Variants in SUGP1 observed in about 807,000 individuals in gnomAD.
The protein encoded by SUGP1 is SURP and G-patch domain-containing protein 1.
In SUGP1, 34 loss-of-function variants were observed where a neutral mutation model predicts 76.5. The observed-to-expected ratio is 0.44, with a 90% CI of 0.34 to 0.59. SUGP1 has a LOEUF of 0.59. SUGP1 is among the 20% of genes least tolerant of loss of function. The pLI, the probability that SUGP1 is intolerant of heterozygous loss-of-function variation, is 0.01. For missense variants in SUGP1, 752 were observed against 851.7 expected, an observed-to-expected ratio of 0.88 and a Z score of 1.46; for synonymous variants, 326 against 326.2, an observed-to-expected ratio of 1.00 and a Z score of 0.01.
intron 1 of SUGP1, 70 bp downstream of exon 1, chr19:19,320,393 C>G: frequency 1.3e-6 from 2 of 1,550,288 alleles, no homozygotes; most frequent in South Asian, 1.2e-5. Context: ...AGGACGGACC[C>G]GAGGAGTCAG....
intron 1 of SUGP1, 75 bp downstream of exon 1, chr19:19,320,388 G>A (rs2061434766): frequency 6.6e-7 from 1 of 1,506,168 alleles, no homozygotes; most frequent in Non-Finnish European, 9.0e-7. Flanking sequence ...GCAGCAGGAC[G>A]GACCCGAGGA....
chr19:19,280,407 C>G, intron 8 of SUGP1, 116 bp from the exon 9 acceptor site: 1 of 903,514 alleles, frequency 1.1e-6, no homozygotes, highest in South Asian at 1.4e-5. Context: ...ACACGGGGAC[C>G]TCATATCATT....
intron 8 of SUGP1, among the ~76,000 whole-genome samples, chr19:19,287,719 A>C (rs1322480611): frequency 1.3e-5 from 2 of 152,180 alleles, no homozygotes; most frequent in African/African-American, 2.4e-5. Context: ...AGAAAATGAC[A>C]ATCTGGTAGG....
At chr19:19,285,570 T>C (rs1218401936) in intron 8 of SUGP1, among the ~76,000 whole-genome samples, 1 of 152,162 alleles carries the variant, frequency 6.6e-6, no homozygotes, top group Admixed American at 6.5e-5. Context: ...CATTTATTTA[T>C]TTCTGTTTGC....
At position 19,276,521 on chromosome 19, in the gene SUGP1, G is replaced by A; in HGVS notation, c.*127C>T. The A allele has an allele frequency of 3.5e-6, 4 of 1,132,694 alleles. No individual in the cohort carries two copies. The highest frequency in any genetic ancestry group is 5.2e-6 in the Non-Finnish European group (4 of 768,304). The allele number at this position is 1,132,694 out of a possible 1,614,324, so 70.2% of individuals were successfully genotyped here. On this transcript the variant is annotated 3_prime_UTR_variant, in exon 14 of 14. Transcript: ENST00000247001. The stretch of plus-strand genomic sequence containing the variant: ...ACAGGACCAGGCATCTGTGGTGGAT[G>A]AGCACTGGGACTTTATTACACGGCA...
At chr19:19,313,773 C>A (rs1451404589) in intron 2 of SUGP1, among the ~76,000 whole-genome samples, 3 of 151,912 alleles carry the variant, frequency 2.0e-5, no homozygotes, top group Admixed American at 6.6e-5. Flanking sequence ...GAGGCAGAGG[C>A]GGGTAGGTCA....
chr19:19,286,756 A>T (rs2061143106), intron 8 of SUGP1, among the ~76,000 whole-genome samples: 1 of 152,148 alleles, frequency 6.6e-6, no homozygotes, highest in Admixed American at 6.5e-5. Flanking sequence ...TTAAAAAAAT[A>T]GGTCTGGCCA....
At chr19:19,306,764 G>A (rs1251585575) in intron 3 of SUGP1, among the ~76,000 whole-genome samples, 1 of 152,222 alleles carries the variant, frequency 6.6e-6, no homozygotes, top group Non-Finnish European at 1.5e-5. Flanking sequence ...AGGCATTGCT[G>A]CCCACTGGAG....
chr19:19,307,917 G>A (rs1414722893), intron 3 of SUGP1, among the ~76,000 whole-genome samples: 1 of 152,126 alleles, frequency 6.6e-6, no homozygotes, highest in Non-Finnish European at 1.5e-5. Flanking sequence ...CACCCGCCTC[G>A]GCCTCCCAAA....
intron 8 of SUGP1, among the ~76,000 whole-genome samples, chr19:19,287,810 T>C (rs573470123): frequency 6.6e-6 from 1 of 152,246 alleles, no homozygotes; most frequent in Admixed American, 6.5e-5. Flanking sequence ...TAAGTGTAAA[T>C]GGTAGAAGAA....
chr19:19,317,611 C>G (rs548710697), intron 1 of SUGP1, among the ~76,000 whole-genome samples: 3 of 151,980 alleles, frequency 2.0e-5, no homozygotes, highest in East Asian at 1.9e-4. Context: ...TCCGCCTCCC[C>G]GGCTCAAGCA....
chr19:19,308,413 G>A (rs1167217280), intron 3 of SUGP1, among the ~76,000 whole-genome samples: 1 of 152,248 alleles, frequency 6.6e-6, no homozygotes, highest in Non-Finnish European at 1.5e-5. Context: ...GGTAGAGAGA[G>A]GTGTCCCTCC....
Position 19,276,529 on chromosome 19 carries a change from G to C in SUGP1, c.*119C>G. On this transcript the variant is annotated 3_prime_UTR_variant, in exon 14 of 14. Coordinates refer to ENST00000247001, the MANE Select transcript of SUGP1 (RefSeq NM_172231.4). ...AGGCATCTGTGGTGGATGAGCACTG[G>C]GACTTTATTACACGGCACGGCACTC... The C allele has an allele frequency of 8.0e-7, 1 of 1,256,584 alleles. No homozygotes were observed. Among genetic ancestry groups the C allele is most frequent in the East Asian group, 2.3e-5 (1 of 42,604 alleles). The allele number at this position is 1,256,584 out of a possible 1,614,324, so 77.8% of individuals were successfully genotyped here. A position where few individuals can be genotyped will look rare whatever the true frequency, so the allele number is the denominator to read the frequency against.
At chr19:19,300,580 T>A (rs1364449815) in intron 7 of SUGP1, among the ~76,000 whole-genome samples, 2 of 152,184 alleles carry the variant, frequency 1.3e-5, no homozygotes, top group Admixed American at 6.5e-5. Flanking sequence ...TGACCCTGCA[T>A]GGAGATTAAA....
chr19:19,294,873 C>T (rs1423637998), intron 8 of SUGP1, among the ~76,000 whole-genome samples: 1 of 151,842 alleles, frequency 6.6e-6, no homozygotes, highest in African/African-American at 2.4e-5. Flanking sequence ...TCAAAAGACG[C>T]TATTACTAAA....
chr19:19,285,218 T>G (rs2061130656), intron 8 of SUGP1, among the ~76,000 whole-genome samples: 1 of 151,248 alleles, frequency 6.6e-6, no homozygotes. Context: ...CAGGATGGAG[T>G]GCAGTGGAGC....
At chr19:19,310,237 CTAGAGATGGA>C (rs1238590258) in intron 2 of SUGP1, 37 bp from the exon 3 acceptor site, 1 of 1,536,030 alleles carries the variant, frequency 6.5e-7, no homozygotes, top group African/African-American at 1.4e-5. Context: ...GGTGAGCTGG[CTAGAGATGGA>C]GTGAGGGCAC....
Position 19,305,928 on chromosome 19 carries a change from G to A in SUGP1, c.459C>T (p.Pro153=), listed in dbSNP as rs76860541. 4,740 of 1,613,488 alleles carry A rather than the reference G, an allele frequency of 2.9e-3. 128 individuals are homozygous for A. In the African/African-American group the frequency reaches 0.056, roughly 19 times the overall value. The change falls in exon 4 of 14, where the codon CCC becomes CCT. Residue 153 remains proline, a synonymous_variant. Coordinates refer to ENST00000247001, the MANE Select transcript of SUGP1 (RefSeq NM_172231.4). The part of the protein sequence containing the change: ...VKSYSHAKQL[P]VAHRPSVFQS... ...GGAAGACACTCGGGCGGTGCGCCAC[G>A]GGCAGCTGCTTGGCGTGGGAGTAGC...
At chr19:19,280,500 G>A in intron 8 of SUGP1, 1 of 564,768 alleles carries the variant, frequency 1.8e-6, no homozygotes, top group Non-Finnish European at 3.2e-6. Context: ...ACGTCCTTGT[G>A]ACCTCTCCAG....
Sources: allele counts gnomAD v4.1 joint callset (sites outside exome capture counted in the v4.1 genomes callset), GRCh38; gene constraint gnomAD v4.1.1; transcripts MANE v1.5; gene names NCBI Gene and HGNC (gene_info 2026-07-23, HGNC 2026-07-21).